Variants in SLIT3 observed in about 807,000 individuals in gnomAD.
SLIT3 encodes slit guidance ligand 3.
A neutral mutation model predicts 184.0 loss-of-function variants in SLIT3; 68 were observed. The observed-to-expected ratio is 0.37, with a 90% CI of 0.30 to 0.45. The LOEUF is 0.45. Among genes scored for constraint, SLIT3 ranks in the 20% least tolerant of loss-of-function variants. The probability of loss-of-function intolerance (pLI) is 1.00; values close to 1 mark genes in which losing one functional copy is unlikely to be tolerated. For synonymous variants in SLIT3, 831 were observed against 828.6 expected (o/e 1.00, Z -0.05); for missense variants, 1,707 against 2,026.0 (o/e 0.84, Z 3.02).
At position 168,986,578 on chromosome 5, in the gene SLIT3, T is replaced by C. The variant is rs995759329; in HGVS notation, c.414-103242A>G. 5.9e-5 allele frequency among the ~76,000 whole-genome samples: 9 copies of C among 152,270 alleles called. No individual in the cohort carries two copies. In the South Asian group the frequency reaches 1.9e-3, roughly 32 times the overall value. On this transcript the variant is annotated intron_variant, in intron 4 of 35. Coordinates refer to ENST00000519560, the MANE Select transcript of SLIT3 (RefSeq NM_003062.4). The stretch of plus-strand genomic sequence containing the variant: ...CCCCTGCACGCTCTCTCCTTTATCA[T>C]AACTTGCATGACCTGGACCATCCAG...
intron 14 of SLIT3, chr5:168,768,191 T>C (rs372358902): frequency 2.3e-5 from 12 of 526,704 alleles, no homozygotes; most frequent in Non-Finnish European, 4.3e-5. Context: ...AGAACCATGT[T>C]CCGTTTCCAT....
chr5:169,266,434 A>G (rs965472626), intron 1 of SLIT3, among the ~76,000 whole-genome samples: 2 of 152,244 alleles, frequency 1.3e-5, no homozygotes, highest in African/African-American at 4.8e-5. Flanking sequence ...GGGTGGAAAT[A>G]ATACGTGCCA....
chr5:169,238,935 T>C (rs887671646), intron 3 of SLIT3, among the ~76,000 whole-genome samples: 2 of 152,168 alleles, frequency 1.3e-5, no homozygotes, highest in African/African-American at 4.8e-5. Context: ...TGAGTAGAGA[T>C]GGGTAATTTA....
At chr5:168,842,469 G>GTTTTTTTTGTTTTTTTTT (rs1758295172) in intron 6 of SLIT3, among the ~76,000 whole-genome samples, 1 of 88,100 alleles carries the variant, frequency 1.1e-5, no homozygotes, top group African/African-American at 4.8e-5. Context: ...CCGTTTTTTC[G>GTTTTTTTTGTTTTTTTTT]TTTTTTTTTT....
In SLIT3 at chr5:168,952,528, C is replaced by CAAAAAAAAAAAAAAAAAAAA. The variant is rs372134778; in HGVS notation, c.414-69212_414-69193dup. Among the ~76,000 whole-genome samples the CAAAAAAAAAAAAAAAAAAAA allele has an allele frequency of 2.1e-3, 163 of 77,872 alleles. 2 individuals carry two copies. The highest frequency in any genetic ancestry group is 9.0e-3 in the African/African-American group (153 of 16,990). The allele number at this position is 77,872 out of a possible 152,430, so 51.1% of individuals were successfully genotyped here. A position where few individuals can be genotyped will look rare whatever the true frequency, so the allele number is the denominator to read the frequency against. On this transcript the variant is annotated intron_variant, in intron 4 of 35. Coordinates refer to ENST00000519560, the MANE Select transcript of SLIT3 (RefSeq NM_003062.4). ...AATCTCAGAGAAGAAGGGAAAATGCCAAAAAAAAAAAAAAAAAAAAGAGGG... is the reference window on the plus strand; with the variant it reads ...AATCTCAGAGAAGAAGGGAAAATGCCAAAAAAAAAAAAAAAAAAAAAAAAAAAAAAAAAAAAAAAAGAGGG...
chr5:169,269,259 C>T (rs574174401), intron 1 of SLIT3, among the ~76,000 whole-genome samples: 13 of 152,366 alleles, frequency 8.5e-5, no homozygotes, highest in Admixed American at 8.5e-4. Flanking sequence ...CCTCCCTCTC[C>T]TTAACCACTC....
chr5:168,950,538 A>G lies in SLIT3; in HGVS notation c.414-67202T>C, dbSNP rs60167628. ...CACTCAATTCTGTTTCTAGGAAAAAAGCAGCCATTGATAGTACCAAATGAA... is the reference window on the plus strand; with the variant it reads ...CACTCAATTCTGTTTCTAGGAAAAAGGCAGCCATTGATAGTACCAAATGAA... On this transcript the variant is annotated intron_variant, in intron 4 of 35. Coordinates refer to ENST00000519560, the MANE Select transcript of SLIT3 (RefSeq NM_003062.4). 8.7e-3 allele frequency among the ~76,000 whole-genome samples: 1,328 copies of G among 152,336 alleles called. 24 individuals carry two copies. The highest frequency in any genetic ancestry group is 0.03 in the African/African-American group (1,243 of 41,578).
intron 29 of SLIT3, among the ~76,000 whole-genome samples, chr5:168,692,368 CTCTT>C (rs1486880937): frequency 6.6e-6 from 1 of 152,184 alleles, no homozygotes; most frequent in African/African-American, 2.4e-5. Context: ...CTCTCTCTGT[CTCTT>C]TCTCTCTCCC....
intron 4 of SLIT3, among the ~76,000 whole-genome samples, chr5:169,112,067 G>A (rs1384546741): frequency 6.6e-6 from 1 of 152,222 alleles, no homozygotes; most frequent in Non-Finnish European, 1.5e-5. Flanking sequence ...TCCCTTTCAG[G>A]ACTAGTATTC....
chr5:168,696,292 C>T lies in SLIT3; in HGVS notation c.3082G>A (p.Gly1028Ser), dbSNP rs776441449. The T allele has an allele frequency of 5.0e-6, 8 of 1,614,144 alleles. No homozygotes were observed. The South Asian group carries it at 5.5e-5, about 11-fold the overall frequency. The change falls in exon 28 of 36, where the codon GGT becomes AGT. Residue 1028 changes from glycine (G) to serine (S), a missense_variant and splice_region_variant. By Grantham distance (56) the Gly-to-Ser change is moderately conservative. Coordinates refer to ENST00000519560, the MANE Select transcript of SLIT3 (RefSeq NM_003062.4). The part of the protein sequence containing the change: ...YVCICPPNYT[G>S]ELCDEVIDHC... ...ATACATACAGTCATGAGATCCTTAC[C>T]TGTGTAGTTAGGCGGACAGATACAC...
chr5:169,238,244 T>C (rs768748394), intron 3 of SLIT3, among the ~76,000 whole-genome samples: 41 of 152,158 alleles, frequency 2.7e-4, no homozygotes, highest in Non-Finnish European at 5.4e-4. Context: ...CACCCCTCCT[T>C]TCAAATCCTA....
At chr5:169,247,379 A>G (rs897849390) in intron 2 of SLIT3, among the ~76,000 whole-genome samples, 1 of 152,192 alleles carries the variant, frequency 6.6e-6, no homozygotes, top group African/African-American at 2.4e-5. Context: ...AGTTTTTACT[A>G]TCCATCCACC....
chr5:169,261,066 G>T (rs62376922), intron 1 of SLIT3, among the ~76,000 whole-genome samples: 9,277 of 152,246 alleles, frequency 0.061, 438 homozygotes, highest in East Asian at 0.26. Flanking sequence ...CTTTATTTAC[G>T]AAGACAGACT....
intron 4 of SLIT3, among the ~76,000 whole-genome samples, chr5:169,183,527 A>G (rs1763238216): frequency 6.6e-6 from 1 of 152,208 alleles, no homozygotes; most frequent in Non-Finnish European, 1.5e-5. Context: ...GCTGTTCAAC[A>G]AAGGTTGGTC....
intron 4 of SLIT3, among the ~76,000 whole-genome samples, chr5:169,140,480 C>CAAAAA (rs34881862): frequency 1.7e-4 from 8 of 46,918 alleles, no homozygotes; most frequent in Non-Finnish European, 2.5e-4. Context: ...AACTCTAACT[C>CAAAAA]AAAAAAAAAA....
At chr5:168,736,080 T>C (rs975698102) in intron 20 of SLIT3, among the ~76,000 whole-genome samples, 3 of 152,216 alleles carry the variant, frequency 2.0e-5, no homozygotes, top group Non-Finnish European at 4.4e-5. Context: ...ATGCCTGATC[T>C]GGTCGGTTTT....
intron 4 of SLIT3, among the ~76,000 whole-genome samples, chr5:168,939,768 C>T (rs532470664): frequency 2.0e-4 from 30 of 152,334 alleles, no homozygotes; most frequent in Admixed American, 4.6e-4. Context: ...ACATTTAAGA[C>T]CACATTTTAT....
chr5:168,828,423 G>T (rs955144791), intron 6 of SLIT3, among the ~76,000 whole-genome samples: 1 of 152,000 alleles, frequency 6.6e-6, no homozygotes, highest in African/African-American at 2.4e-5. Context: ...TTGAGCCTAG[G>T]AGTTTGAGAC....
At chr5:169,089,249 G>A (rs996708946) in intron 4 of SLIT3, among the ~76,000 whole-genome samples, 1 of 152,050 alleles carries the variant, frequency 6.6e-6, no homozygotes, top group Admixed American at 6.6e-5. Context: ...CTGTGTGTAA[G>A]GACCTCTTTG....
Sources: allele counts gnomAD v4.1 joint callset (sites outside exome capture counted in the v4.1 genomes callset), GRCh38; gene constraint gnomAD v4.1.1; transcripts MANE v1.5; gene names NCBI Gene and HGNC (gene_info 2026-07-23, HGNC 2026-07-21).